CEACAM20: variants seen among roughly 807,000 people sequenced by gnomAD.
The protein encoded by CEACAM20 is CEA cell adhesion molecule 20, also known as cell adhesion molecule CEACAM20.
Under a neutral mutation model 61.2 loss-of-function variants are expected in CEACAM20, and 50 were observed. The ratio of observed to expected loss-of-function variants is 0.82; its 90% confidence interval spans 0.65 to 1.03. CEACAM20 has a LOEUF of 1.03. Among genes scored for constraint, CEACAM20 ranks in the 50% least tolerant of loss-of-function variants. The pLI is 0.00. For synonymous variants in CEACAM20, 282 were observed against 287.7 expected (o/e 0.98, Z 0.20); for missense variants, 683 against 736.4 (o/e 0.93, Z 0.84).
intron 4 of CEACAM20, among the ~76,000 whole-genome samples, chr19:44,521,704 C>T (rs1039525455): frequency 3.3e-5 from 5 of 151,692 alleles, no homozygotes; most frequent in Middle Eastern, 3.4e-3. Flanking sequence ...GAGTTGTACA[C>T]CTCTGTTGTG....
chr19:44,509,669 A>C (rs1970915450), intron 11 of CEACAM20, among the ~76,000 whole-genome samples: 1 of 152,188 alleles, frequency 6.6e-6, no homozygotes, highest in Non-Finnish European at 1.5e-5. Flanking sequence ...GTGGATTGGA[A>C]AGAAATGAAA....
chr19:44,524,753 G>GT lies in CEACAM20; in HGVS notation c.196+347dup, dbSNP rs113191889. On this transcript the variant is annotated intron_variant, in intron 2 of 11. Coordinates refer to ENST00000614924, the MANE Select transcript of CEACAM20 (RefSeq NM_001102597.3). ...CACCACCAAACCTGGAGGATTTTGT[G>GT]TTTTTTTTGTACACATGGGGTCCCC... Among the ~76,000 whole-genome samples, 416 of 151,836 alleles carry GT rather than the reference G, an allele frequency of 2.7e-3. 1 individual carries two copies. The highest frequency in any genetic ancestry group is 8.5e-3 in the African/African-American group (353 of 41,378).
At chr19:44,528,458 G>A (rs1330432695) in intron 1 of CEACAM20, among the ~76,000 whole-genome samples, 1 of 151,992 alleles carries the variant, frequency 6.6e-6, no homozygotes, top group Non-Finnish European at 1.5e-5. Flanking sequence ...ACTCCTGACT[G>A]CGTGATCCAC....
In CEACAM20 at chr19:44,522,801, G is replaced by C. The variant is rs968916812; in HGVS notation, c.584C>G (p.Pro195Arg). The C allele has an allele frequency of 6.2e-7, 1 of 1,613,628 alleles. No individual in the cohort carries two copies. The highest frequency in any genetic ancestry group is 1.3e-5 in the African/African-American group (1 of 75,000). The change falls in exon 4 of 12, where the codon CCA becomes CGA. Residue 195 changes from proline to arginine, a missense_variant. Coordinates refer to ENST00000614924, the MANE Select transcript of CEACAM20 (RefSeq NM_001102597.3). ...MTFLAETKSH[P>R]PCAYTWFLLD... ...GAGAAACCAAGTATAGGCACAGGGT[G>C]GGTGAGACTTTGTTTCCGCTAAGAA... is the stretch of plus-strand genomic sequence containing the variant.
intron 5 of CEACAM20, among the ~76,000 whole-genome samples, chr19:44,519,685 C>T (rs1448172956): frequency 2.6e-5 from 4 of 152,222 alleles, no homozygotes; most frequent in Non-Finnish European, 5.9e-5. Context: ...TTTCTCAACA[C>T]CCGACAGTTG....
At chr19:44,508,908 A>G (rs1394034743) in intron 11 of CEACAM20, among the ~76,000 whole-genome samples, 1 of 152,368 alleles carries the variant, frequency 6.6e-6, no homozygotes, top group African/African-American at 2.4e-5. Flanking sequence ...AGTGTTGTAT[A>G]TAAACTGCTT....
rs748209901 is a variant in CEACAM20 at position 44,520,506 on chromosome 19, G to T, written c.998C>A (p.Ala333Asp). ...ACEVWNWGSRARSEPLELTIN... is the reference protein window; with the variant it reads ...ACEVWNWGSRDRSEPLELTIN... The stretch of plus-strand genomic sequence containing the variant: ...GGTCAGCTCAAGGGGCTCACTCCGG[G>T]CCCGGCTGCCCCAGTTCCAGACCTC... Residue 333 changes from alanine (A) to aspartate (D), a missense_variant, in exon 5 of 12, where the codon GCC (alanine) becomes GAC (aspartate). Physicochemically the swap from Ala to Asp is moderately radical, Grantham distance 126. Transcript: ENST00000614924. 1.2e-6 allele frequency: 2 copies of T among 1,613,484 alleles called. No homozygotes were observed. The highest frequency in any genetic ancestry group is 1.1e-5 in the South Asian group (1 of 91,060).
chr19:44,524,147 T>C lies in CEACAM20; in HGVS notation c.311A>G (p.Asn104Ser), dbSNP rs1971455730. 1 of 1,613,610 alleles carries C rather than the reference T, an allele frequency of 6.2e-7. No individual in the cohort carries two copies. ...CTCATGGAACACAATGGAGAGGTTG[T>C]TGGAAACCCAGTGGATGGTAATGTT... ...DVNITIHWVS[N>S]NLSIVFHERM... The change falls in exon 3 of 12, where the codon AAC becomes AGC. Residue 104 changes from asparagine (N) to serine (S), a missense_variant. Transcript: ENST00000614924.
chr19:44,516,870 G>A (rs1453220289), intron 6 of CEACAM20, 76 bp downstream of exon 6: 12 of 1,499,808 alleles, frequency 8.0e-6, no homozygotes, highest in Non-Finnish European at 9.9e-6. Flanking sequence ...CCTCGGTAGG[G>A]GTAGACTAGG....
intron 11 of CEACAM20, 40 bp from the exon 12 acceptor site, chr19:44,506,254 T>G: frequency 6.3e-7 from 1 of 1,584,860 alleles, no homozygotes; most frequent in Non-Finnish European, 8.7e-7. Context: ...ATTTGCTAGG[T>G]GGACCCTCCC....
intron 4 of CEACAM20, 109 bp from the exon 5 acceptor site, chr19:44,520,861 T>G: frequency 9.4e-7 from 1 of 1,060,768 alleles, no homozygotes; most frequent in East Asian, 2.4e-5. Flanking sequence ...TGTGTGTGTG[T>G]GTGTGTGTTA....
chr19:44,523,120 G>T (rs1247264001), intron 3 of CEACAM20, among the ~76,000 whole-genome samples: 1 of 152,182 alleles, frequency 6.6e-6, no homozygotes, highest in African/African-American at 2.4e-5. Context: ...TCTAAAGTAT[G>T]CCAGCTGAAT....
intron 5 of CEACAM20, 117 bp from the exon 6 acceptor site, chr19:44,517,341 C>T (rs1971195323): frequency 8.0e-7 from 1 of 1,246,906 alleles, no homozygotes. Context: ...CTCCCTTTTC[C>T]TCCTTAGCTC....
chr19:44,513,002 C>T, intron 7 of CEACAM20, 49 bp from the exon 8 acceptor site: 1 of 1,503,390 alleles, frequency 6.7e-7, no homozygotes, highest in Non-Finnish European at 9.1e-7. Context: ...CCTTGCCCAT[C>T]TCCACAGGTT....
intron 8 of CEACAM20, among the ~76,000 whole-genome samples, chr19:44,512,456 T>C (rs937028154): frequency 6.6e-6 from 1 of 152,192 alleles, no homozygotes; most frequent in Admixed American, 6.5e-5. Context: ...GACCCAGAGA[T>C]GGCAAATACG....
In CEACAM20 at chr19:44,522,814, T is replaced by C. The variant is rs575078262; in HGVS notation, c.571A>G (p.Thr191Ala). ...EGSSMTFLAE[T>A]KSHPPCAYTW... ...TAGGCACAGGGTGGGTGAGACTTTGTTTCCGCTAAGAAGGTCATGCTGGAG... is the reference window on the plus strand; with the variant it reads ...TAGGCACAGGGTGGGTGAGACTTTGCTTCCGCTAAGAAGGTCATGCTGGAG... Residue 191 changes from threonine to alanine, a missense_variant, in exon 4 of 12, where the codon ACA (threonine) becomes GCA (alanine). Physicochemically the swap from Thr to Ala is moderately conservative, Grantham distance 58. Coordinates refer to ENST00000614924, the MANE Select transcript of CEACAM20 (RefSeq NM_001102597.3). The C allele has an allele frequency of 6.2e-7, 1 of 1,613,404 alleles. No homozygotes were observed. The highest frequency in any genetic ancestry group is 1.7e-5 in the Admixed American group (1 of 59,930).
intron 4 of CEACAM20, 57 bp downstream of exon 4, chr19:44,522,576 AT>A: frequency 6.4e-7 from 1 of 1,564,098 alleles, no homozygotes; most frequent in Non-Finnish European, 8.7e-7. Context: ...TCCTTCTGAC[AT>A]GGCCAGCATC....
rs1284021173 is a variant in CEACAM20, at chr19:44,511,076, A to C, written c.1691T>G (p.Leu564Arg). The change falls in exon 11 of 12, where the codon CTC becomes CGC. Residue 564 changes from leucine (L) to arginine (R), a missense_variant. Coordinates refer to ENST00000614924, the MANE Select transcript of CEACAM20 (RefSeq NM_001102597.3). ...KPPPKPLMPP[L>R]RLVSTVPKNM... is the part of the protein sequence containing the mutation. ...TTTTGGCACAGTGGAGACCAATCTG[A>C]GTGGGGGCATCAGAGGTTTGGGTGG... 1 of 1,613,944 alleles carries C rather than the reference A, an allele frequency of 6.2e-7. No homozygotes were observed. Among genetic ancestry groups the C allele is most frequent in the Admixed American group, 1.7e-5 (1 of 60,012 alleles).
Position 44,517,238 on chromosome 19 carries a change from C to T in CEACAM20, c.1031-14G>A. 2 of 1,599,018 alleles carry T rather than the reference C, an allele frequency of 1.3e-6. No homozygotes were observed. Among genetic ancestry groups the T allele is most frequent in the African/African-American group, 2.7e-5 (2 of 74,924 alleles). ...GGTCAGGACCATCTGTGTGTAAAGCCAAACGTGATGCACCCTGGCCCCCAT... is the reference window on the plus strand; with the variant it reads ...GGTCAGGACCATCTGTGTGTAAAGCTAAACGTGATGCACCCTGGCCCCCAT... On this transcript the variant is annotated splice_polypyrimidine_tract_variant and intron_variant, in intron 5 of 11. Coordinates refer to ENST00000614924, the MANE Select transcript of CEACAM20 (RefSeq NM_001102597.3).
Sources: allele counts gnomAD v4.1 joint callset (sites outside exome capture counted in the v4.1 genomes callset), GRCh38; gene constraint gnomAD v4.1.1; transcripts MANE v1.5; gene names NCBI Gene and HGNC (gene_info 2026-07-23, HGNC 2026-07-21).